PTPRG: variants seen among roughly 807,000 people sequenced by gnomAD.
The protein encoded by PTPRG is protein tyrosine phosphatase receptor type G, also known as receptor-type tyrosine-protein phosphatase gamma.
In PTPRG, 102 loss-of-function variants were observed where a neutral mutation model predicts 165.3. The observed-to-expected ratio is 0.62, with a 90% CI of 0.53 to 0.73. The LOEUF is 0.73. Ranked by LOEUF, PTPRG falls within the 30% of genes least tolerant of loss-of-function variation. The probability of loss-of-function intolerance (pLI) is 0.00; values close to 1 mark genes in which losing one functional copy is unlikely to be tolerated. For synonymous variants in PTPRG, 675 were observed against 669.5 expected, an observed-to-expected ratio of 1.01 and a Z score of -0.13; for missense variants, 1,866 against 1,861.4, an observed-to-expected ratio of 1.00 and a Z score of -0.05.
chr3:62,144,308 A>G lies in PTPRG; in HGVS notation c.682+11640A>G, dbSNP rs72891450. On this transcript the variant is annotated intron_variant, in intron 6 of 29. Coordinates refer to ENST00000474889, the MANE Select transcript of PTPRG (RefSeq NM_002841.4). Reference sequence around the variant, plus strand: ...GGCAATGTAAATACTCACTCAGGTCATTACTTACCATTTGCTAGGCTTTAC... The same window carrying G: ...GGCAATGTAAATACTCACTCAGGTCGTTACTTACCATTTGCTAGGCTTTAC... Among the ~76,000 whole-genome samples the G allele has an allele frequency of 4.8e-3, 731 of 152,312 alleles. 10 individuals carry two copies. The highest frequency in any genetic ancestry group is 0.017 in the African/African-American group (687 of 41,570).
intron 1 of PTPRG, among the ~76,000 whole-genome samples, chr3:61,745,470 G>T (rs562397499): frequency 6.6e-6 from 1 of 152,080 alleles, no homozygotes; most frequent in African/African-American, 2.4e-5. Flanking sequence ...CCCTTCATAC[G>T]CCATGCAGCA....
intron 2 of PTPRG, among the ~76,000 whole-genome samples, chr3:61,911,709 G>T (rs1575776937): frequency 6.6e-6 from 1 of 151,786 alleles, no homozygotes; most frequent in East Asian, 1.9e-4. Flanking sequence ...AATATTTCTT[G>T]GTATAAATTA....
Position 62,228,856 on chromosome 3 carries a change from T to C in PTPRG, c.2289-2369T>C, listed in dbSNP as rs964133867. On this transcript the variant is annotated intron_variant, in intron 13 of 29. Transcript: ENST00000474889. The surrounding 1 kb of genome is among the most constrained non-coding windows in gnomAD (Gnocchi z 4.1). Reference sequence around the variant, plus strand: ...AAAACTCTGAGCTTCCAAGTCATTATTTTTGGTGGGTTTGTGTGATCACCA... The same window carrying C: ...AAAACTCTGAGCTTCCAAGTCATTACTTTTGGTGGGTTTGTGTGATCACCA... Among the ~76,000 whole-genome samples, 6 of 152,224 alleles carry C rather than the reference T, an allele frequency of 3.9e-5. No homozygotes were observed. The highest frequency in any genetic ancestry group is 2.1e-4 in the South Asian group (1 of 4,834).
chr3:61,711,542 T>C (rs2031556955), intron 1 of PTPRG, among the ~76,000 whole-genome samples: 1 of 152,230 alleles, frequency 6.6e-6, no homozygotes, highest in Admixed American at 6.5e-5. Flanking sequence ...CTTTCTTTCA[T>C]GTTTTTTGGC....
At chr3:62,282,049 A>T (rs1035346217) in intron 27 of PTPRG, among the ~76,000 whole-genome samples, 2 of 152,028 alleles carry the variant, frequency 1.3e-5, no homozygotes, top group African/African-American at 4.8e-5. Context: ...TTTTAAGTAA[A>T]TATTTTGCTG....
chr3:61,974,440 C>G (rs2107666347), intron 2 of PTPRG, among the ~76,000 whole-genome samples: 1 of 152,122 alleles, frequency 6.6e-6, no homozygotes, highest in African/African-American at 2.4e-5. Flanking sequence ...GTAATCCCAG[C>G]TACTCGGGAG....
intron 2 of PTPRG, chr3:61,750,203 C>CAT (rs905265777): frequency 2.0e-5 from 3 of 152,130 alleles, no homozygotes; most frequent in African/African-American, 7.2e-5. Flanking sequence ...GCCAAAATTA[C>CAT]ATATATATAG....
chr3:62,141,968 T>C (rs1432735810), intron 6 of PTPRG, among the ~76,000 whole-genome samples: 1 of 151,332 alleles, frequency 6.6e-6, no homozygotes, highest in Non-Finnish European at 1.5e-5. Flanking sequence ...AACCTAGAAA[T>C]GCCTCAGGTG....
At position 61,611,758 on chromosome 3, in the gene PTPRG, G is replaced by A. The variant is rs180682065; in HGVS notation, c.85+49386G>A. On this transcript the variant is annotated intron_variant, in intron 1 of 29. Coordinates refer to ENST00000474889, the MANE Select transcript of PTPRG (RefSeq NM_002841.4). ...CCACAGACAGTACATCAATGAATGGGTATGGTAGTGTTCCAATAAAACTTT... is the reference window on the plus strand; with the variant it reads ...CCACAGACAGTACATCAATGAATGGATATGGTAGTGTTCCAATAAAACTTT... 1.1e-4 allele frequency among the ~76,000 whole-genome samples: 17 copies of A among 152,134 alleles called. No homozygotes were observed. The East Asian group carries it at 3.1e-3, about 28-fold the overall frequency.
chr3:62,178,172 TG>T (rs1705505028), intron 8 of PTPRG, among the ~76,000 whole-genome samples: 1 of 150,698 alleles, frequency 6.6e-6, no homozygotes, highest in Non-Finnish European at 1.5e-5. Flanking sequence ...GATGGATGGA[TG>T]GATGGATGGA....
At chr3:61,916,439 T>G (rs1483543505) in intron 2 of PTPRG, among the ~76,000 whole-genome samples, 1 of 152,174 alleles carries the variant, frequency 6.6e-6, no homozygotes, top group African/African-American at 2.4e-5. Context: ...ACTCCCCACC[T>G]TGTATGTTTT....
chr3:61,691,347 C>T (rs977631673), intron 1 of PTPRG, among the ~76,000 whole-genome samples: 2 of 152,120 alleles, frequency 1.3e-5, no homozygotes, highest in African/African-American at 4.8e-5. Flanking sequence ...ATAAAGGCTA[C>T]AGTGAGTTGT....
At chr3:62,043,877 C>T (rs1700204373) in intron 4 of PTPRG, among the ~76,000 whole-genome samples, 1 of 152,034 alleles carries the variant, frequency 6.6e-6, no homozygotes, top group Non-Finnish European at 1.5e-5. Flanking sequence ...TTTTGAAATC[C>T]ATTAGAAAAC....
intron 8 of PTPRG, among the ~76,000 whole-genome samples, chr3:62,182,291 T>C (rs776202911): frequency 6.6e-6 from 1 of 152,224 alleles, no homozygotes; most frequent in Admixed American, 6.5e-5. Flanking sequence ...GTAATCACTG[T>C]AATCTAACAG....
At chr3:61,730,662 C>T (rs183356408) in intron 1 of PTPRG, among the ~76,000 whole-genome samples, 1 of 152,184 alleles carries the variant, frequency 6.6e-6, no homozygotes, top group East Asian at 1.9e-4. Flanking sequence ...GGCTATATGC[C>T]CTAAGGGACA....
intron 1 of PTPRG, among the ~76,000 whole-genome samples, chr3:61,711,963 G>T (rs376215365): frequency 1.4e-5 from 2 of 145,712 alleles, no homozygotes; most frequent in Admixed American, 7.2e-5. Context: ...GTGTGATCTC[G>T]GCTCACTGCA....
intron 2 of PTPRG, among the ~76,000 whole-genome samples, chr3:61,756,286 G>C (rs2033632049): frequency 6.6e-6 from 1 of 152,120 alleles, no homozygotes; most frequent in Non-Finnish European, 1.5e-5. Context: ...AATGTTTTTG[G>C]ATAGGAGGGC....
chr3:61,929,921 G>C (rs1410840856), intron 2 of PTPRG, among the ~76,000 whole-genome samples: 1 of 152,132 alleles, frequency 6.6e-6, no homozygotes, highest in Non-Finnish European at 1.5e-5. Flanking sequence ...CTAAATAAAG[G>C]ACATTGAATT....
intron 2 of PTPRG, among the ~76,000 whole-genome samples, chr3:61,812,427 C>A (rs983383649): frequency 6.6e-6 from 1 of 152,142 alleles, no homozygotes; most frequent in Admixed American, 6.5e-5. Flanking sequence ...TCATTCAAAA[C>A]GGGTATGTAC....
Sources: allele counts gnomAD v4.1 joint callset (sites outside exome capture counted in the v4.1 genomes callset), GRCh38; gene constraint gnomAD v4.1.1; non-coding constraint Gnocchi (gnomAD v3.1); transcripts MANE v1.5; gene names NCBI Gene and HGNC (gene_info 2026-07-23, HGNC 2026-07-21).